VPS13B: variants seen among roughly 807,000 people sequenced by gnomAD.
VPS13B encodes the protein intermembrane lipid transfer protein VPS13B.
In VPS13B, 285 loss-of-function variants were observed where a neutral mutation model predicts 426.4. The ratio of observed to expected loss-of-function variants is 0.67; its 90% CI spans 0.61 to 0.74. The LOEUF is 0.74. Ranked by LOEUF, VPS13B falls within the 30% of genes least tolerant of loss-of-function variation. The probability of loss-of-function intolerance (pLI) is 0.00; values close to 1 mark genes in which losing one functional copy is unlikely to be tolerated. For synonymous variants in VPS13B, 1,676 were observed against 1,676.4 expected (o/e 1.00, Z 0.01); for missense variants, 4,537 against 4,782.6 (o/e 0.95, Z 1.51).
intron 22 of VPS13B, among the ~76,000 whole-genome samples, chr8:99,434,476 G>A (rs1817273295): frequency 2.0e-5 from 3 of 152,146 alleles, no homozygotes; most frequent in African/African-American, 7.2e-5. Flanking sequence ...TGTTACATTT[G>A]TGGTGATTTC....
At chr8:99,357,138 G>C (rs572602106) in intron 19 of VPS13B, among the ~76,000 whole-genome samples, 1 of 151,976 alleles carries the variant, frequency 6.6e-6, no homozygotes, top group African/African-American at 2.4e-5. Context: ...TTCCTTTTCT[G>C]CATCTGTATT....
intron 6 of VPS13B, among the ~76,000 whole-genome samples, chr8:99,114,720 C>CAT (rs1847563083): frequency 6.6e-6 from 1 of 152,150 alleles, no homozygotes; most frequent in African/African-American, 2.4e-5. Flanking sequence ...ACAGTCCCCC[C>CAT]ATATAGTTTT....
chr8:99,781,460 C>G (rs78821596), intron 42 of VPS13B, among the ~76,000 whole-genome samples: 2 of 152,260 alleles, frequency 1.3e-5, no homozygotes, highest in African/African-American at 4.8e-5. Context: ...AGTGAGCATT[C>G]TGAGGCTCAA....
chr8:99,138,306 T>C (rs1810195257), intron 12 of VPS13B, among the ~76,000 whole-genome samples: 1 of 152,186 alleles, frequency 6.6e-6, no homozygotes, highest in Admixed American at 6.5e-5. Flanking sequence ...TTTGTATTTT[T>C]AGTAGAGATG....
intron 17 of VPS13B, among the ~76,000 whole-genome samples, chr8:99,222,038 G>C (rs969874851): frequency 1.3e-5 from 2 of 152,162 alleles, no homozygotes; most frequent in Non-Finnish European, 2.9e-5. Context: ...GGCTCTGAAT[G>C]GTATTTATTT....
At chr8:99,565,023 G>A (rs1825115841) in intron 31 of VPS13B, among the ~76,000 whole-genome samples, 1 of 152,202 alleles carries the variant, frequency 6.6e-6, no homozygotes, top group South Asian at 2.1e-4. Flanking sequence ...ACATTCAAGT[G>A]ACTTGCTGCT....
Position 99,853,681 on chromosome 8 carries a change from A to G in VPS13B, c.10292A>G (p.Asn3431Ser), listed in dbSNP as rs2130917117. Residue 3431 changes from asparagine to serine, a missense_variant, in exon 56 of 62, where the codon AAC becomes AGC. Physicochemically the swap from Asn to Ser is conservative, Grantham distance 46. Transcript: ENST00000357162. ...EICCGDLQLD[N>S]QLYNKSNFHF... Reference sequence around the variant, plus strand: ...TGCTGTGGGGACCTGCAGCTAGACAACCAGCTTTATAACAAGTCCAATTTC... The same window carrying G: ...TGCTGTGGGGACCTGCAGCTAGACAGCCAGCTTTATAACAAGTCCAATTTC... 1.9e-6 allele frequency: 3 copies of G among 1,614,180 alleles called. No individual in the cohort carries two copies. Among genetic ancestry groups the G allele is most frequent in the Non-Finnish European group, 2.5e-6 (3 of 1,180,018 alleles).
intron 3 of VPS13B, among the ~76,000 whole-genome samples, chr8:99,094,414 A>T (rs1188033466): frequency 6.6e-6 from 1 of 152,218 alleles, no homozygotes; most frequent in Non-Finnish European, 1.5e-5. Flanking sequence ...AGACTGTAAC[A>T]TCCCCCAAAT....
At chr8:99,274,417 G>T (rs1818787408) in intron 18 of VPS13B, 85 bp downstream of exon 18, 2 of 1,594,658 alleles carry the variant, frequency 1.3e-6, no homozygotes, top group East Asian at 4.5e-5. Context: ...ACTGAAACAA[G>T]AATTTACTCA....
At chr8:99,814,592 A>AT in intron 44 of VPS13B, among the ~76,000 whole-genome samples, 1 of 152,272 alleles carries the variant, frequency 6.6e-6, no homozygotes, top group South Asian at 2.1e-4. Flanking sequence ...TTACCTTCTC[A>AT]TATTATTAGC....
At chr8:99,508,391 A>C (rs1003028615) in intron 28 of VPS13B, among the ~76,000 whole-genome samples, 1 of 152,212 alleles carries the variant, frequency 6.6e-6, no homozygotes, top group Non-Finnish European at 1.5e-5. Flanking sequence ...AGTGACTTTT[A>C]GACGTTTAGA....
At chr8:99,543,516 T>C (rs1007081257) in intron 30 of VPS13B, among the ~76,000 whole-genome samples, 8 of 151,882 alleles carry the variant, frequency 5.3e-5, no homozygotes, top group African/African-American at 9.7e-5. Flanking sequence ...ACCATCAGAG[T>C]GAATAGGCAA....
intron 2 of VPS13B, among the ~76,000 whole-genome samples, chr8:99,034,416 T>TG (rs1229025435): frequency 4.7e-5 from 7 of 150,330 alleles, no homozygotes; most frequent in African/African-American, 1.7e-4. Context: ...ATAAGTCTGT[T>TG]TTTTTTTTTT....
intron 33 of VPS13B, among the ~76,000 whole-genome samples, chr8:99,628,019 C>T (rs1828688844): frequency 6.6e-6 from 1 of 152,194 alleles, no homozygotes; most frequent in Non-Finnish European, 1.5e-5. Flanking sequence ...ACAATGAGAT[C>T]CAGAACCTCC....
intron 15 of VPS13B, among the ~76,000 whole-genome samples, chr8:99,164,676 T>C (rs1198870605): frequency 6.6e-6 from 1 of 152,172 alleles, no homozygotes; most frequent in East Asian, 1.9e-4. Flanking sequence ...GTTTTTTCTT[T>C]ACTACTTCCA....
At chr8:99,737,313 G>A (rs1833881814) in intron 39 of VPS13B, among the ~76,000 whole-genome samples, 1 of 151,102 alleles carries the variant, frequency 6.6e-6, no homozygotes, top group Non-Finnish European at 1.5e-5. Context: ...GTAGAGACGG[G>A]GTTTCACCGT....
Position 99,652,416 on chromosome 8 carries a change from G to T in VPS13B, c.5909-8938G>T, listed in dbSNP as rs550410066. Among the ~76,000 whole-genome samples the T allele has an allele frequency of 3.9e-5, 6 of 152,104 alleles. No individual in the cohort carries two copies. In the East Asian group the frequency reaches 7.7e-4, roughly 20 times the overall value. On this transcript the variant is annotated intron_variant, in intron 34 of 61. Transcript: ENST00000357162. Reference sequence around the variant, plus strand: ...GGCTCAATGACTATTAATAAATATTGTTGCTTTTGTCATCATTGTTAATAT... The same window carrying T: ...GGCTCAATGACTATTAATAAATATTTTTGCTTTTGTCATCATTGTTAATAT...
At chr8:99,671,695 T>C (rs1830723714) in intron 35 of VPS13B, among the ~76,000 whole-genome samples, 1 of 152,132 alleles carries the variant, frequency 6.6e-6, no homozygotes, top group African/African-American at 2.4e-5. Context: ...TCTCACTCTG[T>C]TACCTAGGCT....
chr8:99,055,243 C>T (rs1255528494), intron 3 of VPS13B, among the ~76,000 whole-genome samples: 2 of 152,000 alleles, frequency 1.3e-5, no homozygotes, highest in African/African-American at 4.8e-5. Flanking sequence ...TGTGCCATGT[C>T]GCCTAGGCTG....
Sources: gnomAD v4.1 joint callset for allele counts (sites outside exome capture counted in the v4.1 genomes callset) on GRCh38, gnomAD v4.1.1 for gene constraint, MANE v1.5 for transcripts, NCBI Gene and HGNC (gene_info 2026-07-23, HGNC 2026-07-21) for gene names.